The following LAX1 variants were observed in gnomAD, a reference collection of about 807,000 sequenced individuals.
LAX1 encodes lymphocyte transmembrane adaptor 1.
A neutral mutation model predicts 20.7 loss-of-function variants in LAX1; 17 were observed. The ratio of observed to expected loss-of-function variants is 0.82; its 90% CI spans 0.56 to 1.23. The LOEUF (loss-of-function observed/expected upper bound fraction) is 1.23. Among genes scored for constraint, LAX1 ranks in the 50% most tolerant of loss-of-function variants. The pLI is 0.00. For missense variants in LAX1, 470 were observed against 487.0 expected (o/e 0.97, Z 0.33); for synonymous variants, 165 against 181.0 (o/e 0.91, Z 0.71).
At chr1:203,770,984 T>C (rs1351406842) in intron 2 of LAX1, 47 bp downstream of exon 2, 28 of 1,436,944 alleles carry the variant, frequency 1.9e-5, no homozygotes, top group Non-Finnish European at 2.6e-5. Flanking sequence ...GGATTATTAA[T>C]CTAGGCTGGA....
At chr1:203,767,513 G>C (rs1571802137) in intron 1 of LAX1, among the ~76,000 whole-genome samples, 1 of 150,714 alleles carries the variant, frequency 6.6e-6, no homozygotes, top group Non-Finnish European at 1.5e-5. Flanking sequence ...TCTCCATGTT[G>C]GTCAGGCTGG....
intron 4 of LAX1, among the ~76,000 whole-genome samples, 181 bp downstream of exon 4, chr1:203,772,328 A>G (rs16852297): frequency 1.3e-5 from 2 of 152,214 alleles, no homozygotes; most frequent in Non-Finnish European, 2.9e-5. Flanking sequence ...CAAAAAGAAA[A>G]ATTAAGGACA....
chr1:203,766,537 C>T lies in LAX1; in HGVS notation c.89+883C>T, dbSNP rs1278606102. Among the ~76,000 whole-genome samples, 4 of 152,330 alleles carry T rather than the reference C, an allele frequency of 2.6e-5. No individual in the cohort carries two copies. In the East Asian group the frequency reaches 7.7e-4, roughly 29 times the overall value. On this transcript the variant is annotated intron_variant, in intron 1 of 4. Transcript: ENST00000442561. Reference sequence around the variant, plus strand: ...ATAAATGTTATTATCATGGCAAACACATGTCACTTGCTGGTAGATATGAGC... The same window carrying T: ...ATAAATGTTATTATCATGGCAAACATATGTCACTTGCTGGTAGATATGAGC...
chr1:203,771,950 C>G (rs1558071609), intron 3 of LAX1, 118 bp from the exon 4 acceptor site: 2 of 808,410 alleles, frequency 2.5e-6, no homozygotes, highest in East Asian at 2.4e-5. Flanking sequence ...GAACACCAGA[C>G]CCAAGGCTGG....
Position 203,775,548 on chromosome 1 carries a change from T to C in LAX1, c.*867T>C, listed in dbSNP as rs1667497866. On this transcript the variant is annotated 3_prime_UTR_variant, in exon 5 of 5. Transcript: ENST00000442561. ...TTTCTTATAAGCATAACTTATCATA[T>C]GGCCCAGCCATTTCACTACTAGAAA... is the stretch of plus-strand genomic sequence containing the variant. The C allele has an allele frequency of 6.6e-6, 1 of 152,220 alleles. No homozygotes were observed. The highest frequency in any genetic ancestry group is 1.5e-5 in the Non-Finnish European group (1 of 68,032). 9.4% of individuals were successfully genotyped at this position (152,220 alleles called of 1,614,324 possible). A position where few individuals can be genotyped will look rare whatever the true frequency, so the allele number is the denominator to read the frequency against.
Position 203,774,776 on chromosome 1 carries a change from G to C in LAX1, c.*95G>C. 1.0e-6 allele frequency: 1 copy of C among 984,720 alleles called. No individual in the cohort carries two copies. Among genetic ancestry groups the C allele is most frequent in the African/African-American group, 1.6e-5 (1 of 61,324 alleles). 61.0% of individuals were successfully genotyped at this position (984,720 alleles called of 1,614,324 possible). A position where few individuals can be genotyped will look rare whatever the true frequency, so the allele number is the denominator to read the frequency against. On this transcript the variant is annotated 3_prime_UTR_variant, in exon 5 of 5. Coordinates refer to ENST00000442561, the MANE Select transcript of LAX1 (RefSeq NM_017773.4). ...AGTGCAGACCCGTGATCACCTTAGT[G>C]CTTCAGTGGATTCACTGGTTAGATT...
At chr1:203,770,663 A>G (rs1203197254) in intron 1 of LAX1, among the ~76,000 whole-genome samples, 165 bp from the exon 2 acceptor site, 1 of 151,916 alleles carries the variant, frequency 6.6e-6, no homozygotes, top group African/African-American at 2.4e-5. Flanking sequence ...CTCTCTCCAT[A>G]AAGTCAATAT....
chr1:203,769,358 C>G lies in LAX1; in HGVS notation c.90-1470C>G, dbSNP rs142722770. On this transcript the variant is annotated intron_variant, in intron 1 of 4. Transcript: ENST00000442561. ...AGTGAGCCAAGATCATGCCACTGCA[C>G]TCCAGCCTGAGCGACACAGCGAGAC... 6.4e-3 allele frequency among the ~76,000 whole-genome samples: 937 copies of G among 146,168 alleles called. 10 individuals are homozygous for G. Among genetic ancestry groups the G allele is most frequent in the African/African-American group, 0.022 (873 of 39,098 alleles).
rs1474892267 is a variant in LAX1 at position 203,774,558 on chromosome 1, G to C, written c.1074G>C (p.Gln358His). The change falls in exon 5 of 5, where the codon CAG becomes CAC. Residue 358 changes from glutamine to histidine, a missense_variant. Physicochemically the swap from Gln to His is conservative, Grantham distance 24. Coordinates refer to ENST00000442561, the MANE Select transcript of LAX1 (RefSeq NM_017773.4). ...FQPFTQSEDS[Q>H]MKHREEMSNE... ...CATTCACACAGAGTGAGGACAGTCA[G>C]ATGAAACATAGAGAAGAGATGTCAA... The C allele has an allele frequency of 1.1e-5, 17 of 1,614,108 alleles. No individual in the cohort carries two copies. The highest frequency in any genetic ancestry group is 1.4e-5 in the Non-Finnish European group (16 of 1,180,044).
chr1:203,770,549 G>GAAAGAAAGAAAA, intron 1 of LAX1, among the ~76,000 whole-genome samples: 1 of 142,146 alleles, frequency 7.0e-6, no homozygotes, highest in Non-Finnish European at 1.5e-5. Flanking sequence ...AAGAAAGAAA[G>GAAAGAAAGAAAA]AAAGAAAGAA....
intron 4 of LAX1, among the ~76,000 whole-genome samples, 191 bp from the exon 5 acceptor site, chr1:203,773,684 C>G (rs1009833493): frequency 2.0e-5 from 3 of 151,478 alleles, no homozygotes; most frequent in Admixed American, 1.3e-4. Flanking sequence ...CCCGCACCCC[C>G]CCACCAATTG....
At chr1:203,766,924 C>T (rs113430980) in intron 1 of LAX1, among the ~76,000 whole-genome samples, 26,571 of 151,670 alleles carry the variant, frequency 0.18, 2,436 homozygotes, top group South Asian at 0.27. Flanking sequence ...GGCGTGATCT[C>T]GGCTCACTGC....
chr1:203,772,735 T>C (rs1428819371), intron 4 of LAX1, among the ~76,000 whole-genome samples: 1 of 150,744 alleles, frequency 6.6e-6, no homozygotes, highest in Non-Finnish European at 1.5e-5. Flanking sequence ...ATTTTTTTTT[T>C]TTCTTTTTTT....
intron 1 of LAX1, among the ~76,000 whole-genome samples, chr1:203,768,070 G>A (rs749290513): frequency 6.6e-6 from 1 of 152,160 alleles, no homozygotes; most frequent in Non-Finnish European, 1.5e-5. Context: ...CAGCACTTTG[G>A]GAGGCCAAGG....
chr1:203,765,646 C>A lies in LAX1; in HGVS notation c.81C>A (p.Ser27Arg), dbSNP rs1233851840. ...GCACTCTGCATGTGACTCCCCGCAG[C>A]CTGGACAGGTGAGTGACTCAGGGTG... is the stretch of plus-strand genomic sequence containing the variant. ...ESSTLHVTPRSLDRNKDQITN... is the reference protein window; with the variant it reads ...ESSTLHVTPRRLDRNKDQITN... The change falls in exon 1 of 5, where the codon AGC becomes AGA. Residue 27 changes from serine (S) to arginine (R), a missense_variant. Transcript: ENST00000442561. 3 of 1,614,076 alleles carry A rather than the reference C, an allele frequency of 1.9e-6. No homozygotes were observed. The highest frequency in any genetic ancestry group is 1.7e-6 in the Non-Finnish European group (2 of 1,179,986).
At position 203,765,263 on chromosome 1, in the gene LAX1, C is replaced by A; in HGVS notation, c.-303C>A. On this transcript the variant is annotated 5_prime_UTR_variant, in exon 1 of 5. Coordinates refer to ENST00000442561, the MANE Select transcript of LAX1 (RefSeq NM_017773.4). ...TCTTGGCAGTTTCCCCCTCTGTGCC[C>A]CTCACGTTTCCACCAGAAACGTGAA... 1 of 1,310,462 alleles carries A rather than the reference C, an allele frequency of 7.6e-7. No individual in the cohort carries two copies. Among genetic ancestry groups the A allele is most frequent in the South Asian group, 1.3e-5 (1 of 79,158 alleles). The allele number at this position is 1,310,462 out of a possible 1,614,324, so 81.2% of individuals were successfully genotyped here. A position where few individuals can be genotyped will look rare whatever the true frequency, so the allele number is the denominator to read the frequency against.
At chr1:203,767,958 CA>C (rs1240692169) in intron 1 of LAX1, among the ~76,000 whole-genome samples, 264 of 141,130 alleles carry the variant, frequency 1.9e-3, no homozygotes, top group African/African-American at 6.8e-3. Context: ...GACCCTGTCT[CA>C]AAATTTTTTT....
At chr1:203,772,931 C>G (rs1264585836) in intron 4 of LAX1, among the ~76,000 whole-genome samples, 1 of 152,158 alleles carries the variant, frequency 6.6e-6, no homozygotes, top group African/African-American at 2.4e-5. Flanking sequence ...CCGCCTTGGC[C>G]TCCCAAAGTG....
In LAX1 at chr1:203,772,133, A is replaced by T. The variant is rs1241830161; in HGVS notation, c.376A>T (p.Ser126Cys). The T allele has an allele frequency of 6.2e-7, 1 of 1,613,464 alleles. No homozygotes were observed. Among genetic ancestry groups the T allele is most frequent in the East Asian group, 2.2e-5 (1 of 44,866 alleles). ...GAGCCTCCTCTCCAGAAATTCTGAG[A>T]GCCCGGAGCATGTGGTAAGAGTCAA... ...TESLLSRNSE[S>C]PEHVPSQAGN... The change falls in exon 4 of 5, where the codon AGC (serine) becomes TGC (cysteine). Residue 126 changes from serine to cysteine, a missense_variant. Coordinates refer to ENST00000442561, the MANE Select transcript of LAX1 (RefSeq NM_017773.4).
Sources: allele counts gnomAD v4.1 joint callset (sites outside exome capture counted in the v4.1 genomes callset), GRCh38; gene constraint gnomAD v4.1.1; transcripts MANE v1.5; gene names NCBI Gene and HGNC (gene_info 2026-07-23, HGNC 2026-07-21).